Variants in SETBP1 observed in about 807,000 individuals in gnomAD.
SETBP1 encodes SET-binding protein.
In SETBP1, 9 loss-of-function variants were observed where a neutral mutation model predicts 101.0. That is an observed-to-expected ratio of 0.09 (90% confidence interval 0.05 to 0.16). SETBP1 has a LOEUF of 0.16. SETBP1 is among the 10% of genes least tolerant of loss of function. The pLI is 1.00. For missense variants in SETBP1, 1,858 were observed against 2,033.8 expected (o/e 0.91, Z 1.66); for synonymous variants, 818 against 788.5 (o/e 1.04, Z -0.63).
intron 4 of SETBP1, among the ~76,000 whole-genome samples, chr18:45,036,021 T>A (rs965455580): frequency 3.3e-5 from 5 of 152,196 alleles, no homozygotes; most frequent in African/African-American, 1.2e-4. Context: ...GTGGGTTTTT[T>A]AAATATTAAC....
At chr18:44,697,729 G>A (rs1311520940) in intron 1 of SETBP1, among the ~76,000 whole-genome samples, 1 of 152,196 alleles carries the variant, frequency 6.6e-6, no homozygotes, top group Non-Finnish European at 1.5e-5. Context: ...ATTTAGTGGC[G>A]AACTATACAG....
At chr18:44,682,721 G>A (rs2144083909) in intron 1 of SETBP1, among the ~76,000 whole-genome samples, 1 of 152,318 alleles carries the variant, frequency 6.6e-6, no homozygotes, top group African/African-American at 2.4e-5. Flanking sequence ...AAACGGCAGG[G>A]AATGTAGCCC....
chr18:45,000,372 G>A (rs149959387), intron 4 of SETBP1, among the ~76,000 whole-genome samples: 1 of 152,192 alleles, frequency 6.6e-6, no homozygotes, highest in Non-Finnish European at 1.5e-5. Flanking sequence ...GGACAGAACA[G>A]GGGCTATAGT....
intron 2 of SETBP1, among the ~76,000 whole-genome samples, chr18:44,819,170 C>T (rs1388106611): frequency 2.6e-5 from 4 of 152,046 alleles, no homozygotes; most frequent in Admixed American, 6.5e-5. Context: ...ACATGTGTCA[C>T]GCTGTTTTTC....
rs1358545669 is a variant in SETBP1 at position 45,065,973 on chromosome 18, T to G, written c.*2275T>G. On this transcript the variant is annotated 3_prime_UTR_variant, in exon 6 of 6. Coordinates refer to ENST00000649279, the MANE Select transcript of SETBP1 (RefSeq NM_015559.3). Reference sequence around the variant, plus strand: ...AATTCAGCCATAAAGAGGTTTCTCTTCTTACTGGGTTTTGAAATCATTTCC... The same window carrying G: ...AATTCAGCCATAAAGAGGTTTCTCTGCTTACTGGGTTTTGAAATCATTTCC... The G allele has an allele frequency of 1.3e-5, 2 of 152,262 alleles. No individual in the cohort carries two copies. The highest frequency in any genetic ancestry group is 2.9e-5 in the Non-Finnish European group (2 of 68,056). The allele number at this position is 152,262 out of a possible 1,614,324, so 9.4% of individuals were successfully genotyped here. A position where few individuals can be genotyped will look rare whatever the true frequency, so the allele number is the denominator to read the frequency against.
chr18:44,822,127 C>T (rs905489293), intron 2 of SETBP1, among the ~76,000 whole-genome samples: 2 of 152,200 alleles, frequency 1.3e-5, no homozygotes, highest in African/African-American at 4.8e-5. Context: ...GACTTTTGTT[C>T]TGCAGAATGG....
chr18:45,022,160 T>A (rs2073084409), intron 4 of SETBP1, among the ~76,000 whole-genome samples: 1 of 152,150 alleles, frequency 6.6e-6, no homozygotes, highest in African/African-American at 2.4e-5. Flanking sequence ...TGTTTATGGT[T>A]CTACATAGAC....
chr18:44,718,655 A>AT (rs1007648148), intron 2 of SETBP1, among the ~76,000 whole-genome samples: 2 of 152,126 alleles, frequency 1.3e-5, no homozygotes, highest in Non-Finnish European at 2.9e-5. Flanking sequence ...TACTATGGAG[A>AT]TGTAAGTGGG....
chr18:44,681,952 C>A (rs2068766721), intron 1 of SETBP1, among the ~76,000 whole-genome samples: 1 of 152,146 alleles, frequency 6.6e-6, no homozygotes, highest in Admixed American at 6.6e-5. Flanking sequence ...AGCCCCTACA[C>A]TCCCCCCACC....
chr18:44,745,552 T>C (rs2070220800), intron 2 of SETBP1, among the ~76,000 whole-genome samples: 1 of 152,236 alleles, frequency 6.6e-6, no homozygotes, highest in African/African-American at 2.4e-5. Context: ...TTCAAAGCTA[T>C]GACAAAAATA....
chr18:44,876,578 G>T, intron 3 of SETBP1: 1 of 1,550,642 alleles, frequency 6.4e-7, no homozygotes, highest in South Asian at 1.2e-5. Flanking sequence ...AAAGACTCCA[G>T]TAAGGAGGAA....
intron 2 of SETBP1, among the ~76,000 whole-genome samples, chr18:44,856,388 TCA>T (rs2072978048): frequency 6.6e-6 from 1 of 152,196 alleles, no homozygotes; most frequent in South Asian, 2.1e-4. Context: ...CCTGGGCAAG[TCA>T]CTGCCCGATT....
chr18:44,884,923 A>C (rs1413791033), intron 3 of SETBP1, among the ~76,000 whole-genome samples: 3 of 152,230 alleles, frequency 2.0e-5, no homozygotes, highest in Non-Finnish European at 2.9e-5. Flanking sequence ...ACGGTAATAC[A>C]TAAGTATTGT....
intron 4 of SETBP1, among the ~76,000 whole-genome samples, chr18:44,995,135 C>CTTTT (rs58617770): frequency 3.4e-4 from 32 of 95,004 alleles, no homozygotes; most frequent in Non-Finnish European, 5.0e-4. Flanking sequence ...ATGTTATTTA[C>CTTTT]TTTTTTTTTT....
chr18:44,915,952 A>G (rs148743137), intron 3 of SETBP1, among the ~76,000 whole-genome samples: 2 of 152,292 alleles, frequency 1.3e-5, no homozygotes, highest in African/African-American at 4.8e-5. Flanking sequence ...TTGGCCACAC[A>G]TAGTGACTCA....
intron 2 of SETBP1, among the ~76,000 whole-genome samples, chr18:44,765,755 A>C (rs1410524580): frequency 2.0e-5 from 3 of 152,178 alleles, no homozygotes; most frequent in Non-Finnish European, 2.9e-5. Context: ...CAGGAGAGGG[A>C]GAGCAACACA....
chr18:44,747,631 T>C (rs1373105158), intron 2 of SETBP1, among the ~76,000 whole-genome samples: 2 of 152,206 alleles, frequency 1.3e-5, no homozygotes, highest in South Asian at 2.1e-4. Flanking sequence ...ACATTTCCCA[T>C]GAGAAATATG....
chr18:44,722,540 T>G (rs964430933), intron 2 of SETBP1, among the ~76,000 whole-genome samples: 5 of 152,214 alleles, frequency 3.3e-5, no homozygotes, highest in Non-Finnish European at 5.9e-5. Flanking sequence ...TCTACAGTGT[T>G]TATGGGGACC....
Position 45,063,917 on chromosome 18 carries a change from A to C in SETBP1, c.*219A>C. The C allele has an allele frequency of 1.9e-6, 1 of 521,466 alleles. No homozygotes were observed. Among genetic ancestry groups the C allele is most frequent in the South Asian group, 2.2e-5 (1 of 45,910 alleles). The allele number at this position is 521,466 out of a possible 1,614,324, so 32.3% of individuals were successfully genotyped here. ...TTCAGAAGAAGCTTGTCTGAGCTTCACCGCAGCTCCCACCACGCGGCGCTT... is the reference window on the plus strand; with the variant it reads ...TTCAGAAGAAGCTTGTCTGAGCTTCCCCGCAGCTCCCACCACGCGGCGCTT... On this transcript the variant is annotated 3_prime_UTR_variant, in exon 6 of 6. Transcript: ENST00000649279.
Sources: gnomAD v4.1 joint callset for allele counts (sites outside exome capture counted in the v4.1 genomes callset) on GRCh38, gnomAD v4.1.1 for gene constraint, MANE v1.5 for transcripts, NCBI Gene and HGNC (gene_info 2026-07-23, HGNC 2026-07-21) for gene names.